ARHGAP5: variants seen among roughly 807,000 people sequenced by gnomAD.
ARHGAP5 encodes the protein rho GTPase-activating protein 5.
In ARHGAP5, 23 loss-of-function variants were observed where a neutral mutation model predicts 116.6. The ratio of observed to expected loss-of-function variants is 0.20; its 90% CI spans 0.14 to 0.28. ARHGAP5 has a LOEUF of 0.28. Among genes scored for constraint, ARHGAP5 ranks in the 10% least tolerant of loss-of-function variants. ARHGAP5 has a pLI of 1.00. For synonymous variants in ARHGAP5, 574 were observed against 602.0 expected, an observed-to-expected ratio of 0.95 and a Z score of 0.68; for missense variants, 1,405 against 1,774.8, an observed-to-expected ratio of 0.79 and a Z score of 3.74.
In ARHGAP5 at chr14:32,159,526, G is replaced by A. The variant is rs763955760; in HGVS notation, c.*4578G>A. On this transcript the variant is annotated 3_prime_UTR_variant, in exon 7 of 7. Coordinates refer to ENST00000345122, the MANE Select transcript of ARHGAP5 (RefSeq NM_001030055.2). ...ACTAATTCATCCAGATTAGTTTTAA[G>A]TGTGTATATGTATTTGCTCACCAGA... The A allele has an allele frequency of 6.6e-6, 1 of 152,036 alleles. No homozygotes were observed. Among genetic ancestry groups the A allele is most frequent in the African/African-American group, 2.4e-5 (1 of 41,398 alleles). 9.4% of individuals were successfully genotyped at this position (152,036 alleles called of 1,614,324 possible).
chr14:32,099,315 C>T (rs1043287674), intron 2 of ARHGAP5, among the ~76,000 whole-genome samples: 1 of 152,040 alleles, frequency 6.6e-6, no homozygotes, highest in Non-Finnish European at 1.5e-5. Context: ...TACGGGTCAT[C>T]GGCAGAAGTC....
intron 3 of ARHGAP5, among the ~76,000 whole-genome samples, chr14:32,120,430 T>C (rs961142790): frequency 6.6e-6 from 1 of 151,906 alleles, no homozygotes; most frequent in Non-Finnish European, 1.5e-5. Flanking sequence ...GTTTCTTTCT[T>C]CTTTGGTTTT....
At chr14:32,077,511 C>T in intron 1 of ARHGAP5, 76 bp downstream of exon 1, 1 of 652,768 alleles carries the variant, frequency 1.5e-6, no homozygotes, top group Non-Finnish European at 2.8e-6. Context: ...GGCTAGCTGC[C>T]CCGCTCGGTC....
intron 3 of ARHGAP5, among the ~76,000 whole-genome samples, chr14:32,140,127 T>C (rs1456363893): frequency 1.4e-5 from 2 of 146,280 alleles, no homozygotes; most frequent in Non-Finnish European, 3.0e-5. Context: ...TTTTTTTTTT[T>C]TTTATTATAC....
chr14:32,107,407 AATAGTACTTCGTATATTAAC>A (rs1879067920), intron 2 of ARHGAP5, among the ~76,000 whole-genome samples: 1 of 152,136 alleles, frequency 6.6e-6, no homozygotes, highest in Admixed American at 6.5e-5. Context: ...TATATAAGCC[AATAGTACTTCGTATATTAAC>A]AGAAATCTTA....
intron 1 of ARHGAP5, among the ~76,000 whole-genome samples, chr14:32,081,399 G>A (rs1320634434): frequency 6.6e-6 from 1 of 152,008 alleles, no homozygotes; most frequent in East Asian, 1.9e-4. Flanking sequence ...GGACAGATTA[G>A]CAGATGGGAA....
chr14:32,137,779 C>T (rs1201637542), intron 3 of ARHGAP5, among the ~76,000 whole-genome samples: 1 of 151,790 alleles, frequency 6.6e-6, no homozygotes, highest in Non-Finnish European at 1.5e-5. Context: ...CGAGACCAGC[C>T]TGGCCAACAT....
chr14:32,134,662 A>C (rs1055377772), intron 3 of ARHGAP5, among the ~76,000 whole-genome samples: 1 of 152,236 alleles, frequency 6.6e-6, no homozygotes, highest in Non-Finnish European at 1.5e-5. Flanking sequence ...TCACACATAC[A>C]TACTCTAAAC....
intron 3 of ARHGAP5, among the ~76,000 whole-genome samples, chr14:32,143,239 G>GTTATTATTATTATTATTATTA (rs879687026): frequency 1.4e-5 from 2 of 143,886 alleles, no homozygotes; most frequent in African/African-American, 5.4e-5. Flanking sequence ...TGTTGTTGTT[G>GTTATTATTATTATTATTATTA]TTATTATTAT....
At chr14:32,146,095 A>G (rs1881364137) in intron 3 of ARHGAP5, among the ~76,000 whole-genome samples, 168 bp from the exon 4 acceptor site, 1 of 151,988 alleles carries the variant, frequency 6.6e-6, no homozygotes, top group Non-Finnish European at 1.5e-5. Context: ...TATTATTTGT[A>G]GAGACAGAGT....
chr14:32,109,358 T>C (rs552619458), intron 2 of ARHGAP5, among the ~76,000 whole-genome samples: 21 of 152,252 alleles, frequency 1.4e-4, no homozygotes, highest in African/African-American at 5.1e-4. Context: ...TTTGAATATA[T>C]TGAACTCCTA....
At chr14:32,106,350 AC>A (rs1470985328) in intron 2 of ARHGAP5, among the ~76,000 whole-genome samples, 1 of 151,924 alleles carries the variant, frequency 6.6e-6, no homozygotes. Context: ...TGAACTCCTG[AC>A]CTCGTGATCC....
intron 3 of ARHGAP5, among the ~76,000 whole-genome samples, chr14:32,139,208 G>A (rs917583476): frequency 1.3e-5 from 2 of 151,974 alleles, no homozygotes; most frequent in Non-Finnish European, 2.9e-5. Flanking sequence ...TTTTAATCTG[G>A]CTATGGGGCA....
At chr14:32,125,818 G>A (rs1448020337) in intron 3 of ARHGAP5, among the ~76,000 whole-genome samples, 5 of 152,064 alleles carry the variant, frequency 3.3e-5, no homozygotes, top group Non-Finnish European at 7.4e-5. Flanking sequence ...CCGTTTTGTA[G>A]TTTTCAGTGT....
chr14:32,122,282 C>CTT (rs34245473), intron 3 of ARHGAP5, among the ~76,000 whole-genome samples: 1 of 152,146 alleles, frequency 6.6e-6, no homozygotes, highest in Admixed American at 6.5e-5. Flanking sequence ...TGCCGAACAT[C>CTT]TTTTTAAGTG....
chr14:32,127,310 A>AG (rs927550450), intron 3 of ARHGAP5, among the ~76,000 whole-genome samples: 2 of 152,140 alleles, frequency 1.3e-5, no homozygotes, highest in African/African-American at 4.8e-5. Context: ...TTCTAGGCAG[A>AG]GGACCCTGCA....
intron 3 of ARHGAP5, among the ~76,000 whole-genome samples, chr14:32,129,731 G>C (rs1270499858): frequency 2.6e-5 from 4 of 151,376 alleles, no homozygotes; most frequent in Non-Finnish European, 5.9e-5. Context: ...ACCTTGTCTG[G>C]ATATTTCTCA....
At position 32,152,492 on chromosome 14, in the gene ARHGAP5, A is replaced by G. The variant is rs771319719; in HGVS notation, c.4145A>G (p.Tyr1382Cys). The part of the protein sequence containing the change: ...EIVKKFHPVN[Y>C]DVFRYVITHL... ...GTTAAGAAATTTCATCCTGTAAACT[A>G]TGATGTATTCAGATACGTGATAACA... Residue 1382 changes from tyrosine (Y) to cysteine (C), a missense_variant, in exon 6 of 7, where the codon TAT becomes TGT. Tyr to Cys is a radical substitution (Grantham distance 194). Around this residue, in one of 6 missense-constraint regions of ARHGAP5, gnomAD observed 176 missense variants for 221.2 expected, o/e 0.80. Coordinates refer to ENST00000345122, the MANE Select transcript of ARHGAP5 (RefSeq NM_001030055.2). The G allele has an allele frequency of 2.4e-5, 39 of 1,604,726 alleles. No individual in the cohort carries two copies. Among genetic ancestry groups the G allele is most frequent in the Middle Eastern group, 3.3e-4 (2 of 6,030 alleles).
chr14:32,127,814 G>T (rs975128699), intron 3 of ARHGAP5, among the ~76,000 whole-genome samples: 14 of 151,392 alleles, frequency 9.2e-5, no homozygotes, highest in Non-Finnish European at 1.8e-4. Flanking sequence ...CTCCCAGACG[G>T]GGTGGCCGGG....
Sources: gnomAD v4.1 joint callset for allele counts (sites outside exome capture counted in the v4.1 genomes callset) on GRCh38, gnomAD v4.1.1 for gene constraint, gnomAD v4.1.1 regional missense constraint, MANE v1.5 for transcripts, NCBI Gene and HGNC (gene_info 2026-07-23, HGNC 2026-07-21) for gene names.